The following PCID2 variants were observed in gnomAD, a reference collection of about 807,000 sequenced individuals.
PCID2 encodes PCI domain containing 2, also known as PCI domain-containing protein 2.
Under a neutral mutation model 61.3 loss-of-function variants are expected in PCID2, and 41 were observed. The observed-to-expected ratio is 0.67, with a 90% confidence interval of 0.52 to 0.87. The LOEUF (loss-of-function observed/expected upper bound fraction) is 0.87, where lower values mean the gene tolerates loss of function less well. PCID2 is among the 40% of genes least tolerant of loss of function. The pLI, the probability that PCID2 is intolerant of heterozygous loss-of-function variation, is 0.00. For synonymous variants in PCID2, 187 were observed against 177.8 expected (o/e 1.05, Z -0.41); for missense variants, 392 against 493.4 (o/e 0.79, Z 1.95).
intron 4 of PCID2, 148 bp from the exon 5 acceptor site, chr13:113,196,370 G>A: frequency 1.8e-6 from 1 of 569,870 alleles, no homozygotes; most frequent in South Asian, 3.1e-5. Flanking sequence ...AAGGAAAAAA[G>A]GTATAAGCTC....
intron 7 of PCID2, 158 bp from the exon 8 acceptor site, chr13:113,185,718 C>CA (rs1172996483): frequency 8.1e-6 from 4 of 493,316 alleles, no homozygotes; most frequent in Non-Finnish European, 1.4e-5. Flanking sequence ...ATTCATCAAA[C>CA]AAAATAACAT....
the PCID2 span, among the ~76,000 whole-genome samples, chr13:113,166,895 A>G: frequency 5.3e-5 from 8 of 152,184 alleles, no homozygotes; most frequent in Non-Finnish European, 8.8e-5. Context: ...CTGCAACCGT[A>G]GCACTCATAC....
the PCID2 span, among the ~76,000 whole-genome samples, chr13:113,167,419 G>A: frequency 6.6e-6 from 1 of 152,174 alleles, no homozygotes; most frequent in Non-Finnish European, 1.5e-5. Flanking sequence ...TGCATTAGAC[G>A]GTTGAAAACT....
At chr13:113,200,605 GA>G in intron 1 of PCID2, 89 bp from the exon 2 acceptor site, 2 of 815,450 alleles carry the variant, frequency 2.5e-6, no homozygotes, top group Non-Finnish European at 2.1e-6. Flanking sequence ...CCACACAGGG[GA>G]AAATTCATTT....
At chr13:113,189,793 A>C (rs1327264406) in intron 7 of PCID2, among the ~76,000 whole-genome samples, 2 of 151,580 alleles carry the variant, frequency 1.3e-5, no homozygotes, top group Admixed American at 1.3e-4. Context: ...GAGGCCGAGG[A>C]GGGTGGATCA....
chr13:113,191,235 T>G (rs2038593587), intron 6 of PCID2, among the ~76,000 whole-genome samples: 1 of 152,070 alleles, frequency 6.6e-6, no homozygotes, highest in Non-Finnish European at 1.5e-5. Flanking sequence ...GGTCTCACTT[T>G]GTTGCTCTGG....
intron 7 of PCID2, among the ~76,000 whole-genome samples, chr13:113,189,089 T>C (rs2038376725): frequency 6.6e-6 from 1 of 151,884 alleles, no homozygotes. Context: ...AATGAATGAG[T>C]TCTCGCTCTG....
At chr13:113,171,923 T>C in the PCID2 span, 1 of 1,613,758 alleles carries the variant, frequency 6.2e-7, no homozygotes, top group Non-Finnish European at 8.5e-7. This position sits in a 1 kb window ranked among gnomAD's most constrained non-coding sequence, Gnocchi z 5.1. Flanking sequence ...CAGGACCTAC[T>C]GTGAGAGAAG....
In PCID2 at chr13:113,190,851, G is replaced by C. The variant is rs374819611; in HGVS notation, c.467+21C>G. The C allele has an allele frequency of 4.7e-6, 7 of 1,481,070 alleles. No individual in the cohort carries two copies. In the African/African-American group the frequency reaches 9.8e-5, roughly 21 times the overall value. The allele number at this position is 1,481,070 out of a possible 1,614,324, so 91.7% of individuals were successfully genotyped here. A position where few individuals can be genotyped will look rare whatever the true frequency, so the allele number is the denominator to read the frequency against. ...ACACCACCAACAGCGTCTGGTGGTC[G>C]GTCCTCAAGTCCTTACTCACGTGTC... On this transcript the variant is annotated intron_variant, in intron 7 of 13. Coordinates refer to ENST00000337344, the MANE Select transcript of PCID2 (RefSeq NM_001127202.4).
chr13:113,181,547 C>T (rs1413400156), intron 9 of PCID2, among the ~76,000 whole-genome samples: 1 of 152,048 alleles, frequency 6.6e-6, no homozygotes, highest in Non-Finnish European at 1.5e-5. Context: ...AAAGTCTGAC[C>T]CTGCTCAGAT....
intron 9 of PCID2, among the ~76,000 whole-genome samples, chr13:113,182,393 A>G (rs1249389842): frequency 6.6e-6 from 1 of 152,240 alleles, no homozygotes; most frequent in Non-Finnish European, 1.5e-5. Flanking sequence ...AGAGTCTGCA[A>G]TATCCCACCA....
At chr13:113,202,780 G>C (rs2039523847) in intron 1 of PCID2, among the ~76,000 whole-genome samples, 1 of 152,146 alleles carries the variant, frequency 6.6e-6, no homozygotes, top group African/African-American at 2.4e-5. Context: ...TTCTAGAGAG[G>C]GGGGTGGAAT....
At chr13:113,207,096 C>T (rs1039665885) in intron 1 of PCID2, among the ~76,000 whole-genome samples, 1 of 152,194 alleles carries the variant, frequency 6.6e-6, no homozygotes, top group Non-Finnish European at 1.5e-5. Context: ...GGTATGATGA[C>T]GACTTTCAGC....
At chr13:113,204,921 T>C (rs2138972589) in intron 1 of PCID2, among the ~76,000 whole-genome samples, 1 of 152,204 alleles carries the variant, frequency 6.6e-6, no homozygotes, top group Admixed American at 6.5e-5. Flanking sequence ...GTGAGCACCT[T>C]CTGAGCGGCA....
rs540793792 is a variant in PCID2, at chr13:113,191,117, T to A, written c.364-142A>T. The A allele has an allele frequency of 8.3e-6, 4 of 480,456 alleles. 1 individual carries two copies. The highest frequency in any genetic ancestry group is 3.4e-5 in the East Asian group (1 of 29,702). The allele number at this position is 480,456 out of a possible 1,614,324, so 29.8% of individuals were successfully genotyped here. ...CACTGATCTTCCCATCTCAGCCTCC[T>A]GAGGAGCTGGAACCATGGAACCAGG... On this transcript the variant is annotated intron_variant, in intron 6 of 13. Transcript: ENST00000337344.
intron 10 of PCID2, among the ~76,000 whole-genome samples, chr13:113,180,444 C>T (rs918268924): frequency 6.6e-6 from 1 of 152,208 alleles, no homozygotes; most frequent in Admixed American, 6.5e-5. Context: ...TTCCATGACA[C>T]GTGACCTTGA....
intron 6 of PCID2, among the ~76,000 whole-genome samples, chr13:113,192,297 T>A (rs546431146): frequency 6.6e-6 from 1 of 152,310 alleles, no homozygotes; most frequent in Admixed American, 6.5e-5. Context: ...AAATATGAAT[T>A]TTCTTAAATC....
In PCID2 at chr13:113,178,574, ATACAG is replaced by A. The variant is rs1356688595; in HGVS notation, c.1111-292_1111-288del. On this transcript the variant is annotated intron_variant, in intron 13 of 13. Transcript: ENST00000337344. ...TTCCCTTGCCGTGATTCCCTAAACA[ATACAG>A]TACAACAGCTATCTACAGTGCACTG... 1.0e-5 allele frequency: 4 copies of A among 399,890 alleles called. No individual in the cohort carries two copies. The East Asian group carries it at 2.3e-4, about 23-fold the overall frequency. The allele number at this position is 399,890 out of a possible 1,614,324, so 24.8% of individuals were successfully genotyped here. A position where few individuals can be genotyped will look rare whatever the true frequency, so the allele number is the denominator to read the frequency against.
At chr13:113,172,268 T>C in the PCID2 span, 8 of 947,616 alleles carry the variant, frequency 8.4e-6, no homozygotes, top group African/African-American at 8.1e-5. Flanking sequence ...GTTTGCTGGG[T>C]TGTTTACCGA....
Sources: allele counts gnomAD v4.1 joint callset (sites outside exome capture counted in the v4.1 genomes callset), GRCh38; gene constraint gnomAD v4.1.1; non-coding constraint Gnocchi (gnomAD v3.1); transcripts MANE v1.5; gene names NCBI Gene and HGNC (gene_info 2026-07-23, HGNC 2026-07-21).